LEFTY2: variants seen among roughly 807,000 people sequenced by gnomAD.
LEFTY2 encodes TGF-beta-4.
A neutral mutation model predicts 26.4 loss-of-function variants in LEFTY2; 10 were observed. That is an observed-to-expected ratio of 0.38 (90% CI 0.23 to 0.64). The LOEUF is 0.64. Among genes scored for constraint, LEFTY2 ranks in the 30% least tolerant of loss-of-function variants. The probability of loss-of-function intolerance (pLI) is 0.56; values close to 1 mark genes in which losing one functional copy is unlikely to be tolerated. For missense variants in LEFTY2, 407 were observed against 502.1 expected (o/e 0.81, Z 1.81); for synonymous variants, 204 against 234.1 (o/e 0.87, Z 1.17).
Position 225,941,125 on chromosome 1 carries a change from G to T in LEFTY2, c.16C>A (p.Leu6Ile). 6.4e-7 allele frequency: 1 copy of T among 1,566,504 alleles called. No individual in the cohort carries two copies. ...GGCAGCACCCAGAGTGCCCAGCAGA[G>T]CCACAGGGGCCACATGGTGCTGCCC... is the stretch of plus-strand genomic sequence containing the variant. MWPLWLCWALWVLPLA... is the reference protein window; with the variant it reads MWPLWICWALWVLPLA... The change falls in exon 1 of 4, where the codon CTC (leucine) becomes ATC (isoleucine). Residue 6 changes from leucine (L) to isoleucine (I), a missense_variant. Coordinates refer to ENST00000366820, the MANE Select transcript of LEFTY2 (RefSeq NM_003240.5).
intron 1 of LEFTY2, 138 bp downstream of exon 1, chr1:225,940,753 C>G: frequency 1.5e-6 from 2 of 1,356,736 alleles, no homozygotes; most frequent in Admixed American, 4.0e-5. Context: ...CTCCTCCTCA[C>G]TGCTCCTTGG....
chr1:225,937,271 T>C lies in LEFTY2; in HGVS notation c.*170A>G. ...TGCATTATTTACTCACGTAAGTGCT[T>C]AGGATGGGTGATGGACGGGAAAGAC... On this transcript the variant is annotated 3_prime_UTR_variant, in exon 4 of 4. Transcript: ENST00000366820. The C allele has an allele frequency of 2.0e-6, 2 of 1,022,356 alleles. No individual in the cohort carries two copies. Among genetic ancestry groups the C allele is most frequent in the South Asian group, 1.4e-5 (1 of 70,768 alleles). The allele number at this position is 1,022,356 out of a possible 1,614,324, so 63.3% of individuals were successfully genotyped here.
chr1:225,938,692 TTTTA>T (rs1175709444), intron 3 of LEFTY2, among the ~76,000 whole-genome samples: 6 of 151,886 alleles, frequency 4.0e-5, no homozygotes, highest in African/African-American at 1.4e-4. Context: ...AACTTTTTTT[TTTTA>T]TTTATTTTTT....
At position 225,937,264 on chromosome 1, in the gene LEFTY2, A is replaced by T; in HGVS notation, c.*177T>A. On this transcript the variant is annotated 3_prime_UTR_variant, in exon 4 of 4. Transcript: ENST00000366820. ...TCTGAGCTGCATTATTTACTCACGTAAGTGCTTAGGATGGGTGATGGACGG... is the reference window on the plus strand; with the variant it reads ...TCTGAGCTGCATTATTTACTCACGTTAGTGCTTAGGATGGGTGATGGACGG... 1.1e-6 allele frequency: 1 copy of T among 925,732 alleles called. No homozygotes were observed. The highest frequency in any genetic ancestry group is 1.7e-6 in the Non-Finnish European group (1 of 604,252). The allele number at this position is 925,732 out of a possible 1,614,324, so 57.3% of individuals were successfully genotyped here.
rs771262113 is a variant in LEFTY2 at position 225,936,748 on chromosome 1, C to T, written c.*693G>A. The T allele has an allele frequency of 6.6e-6, 1 of 152,638 alleles. No homozygotes were observed. The highest frequency in any genetic ancestry group is 1.5e-5 in the Non-Finnish European group (1 of 68,376). 9.5% of individuals were successfully genotyped at this position (152,638 alleles called of 1,614,324 possible). A position where few individuals can be genotyped will look rare whatever the true frequency, so the allele number is the denominator to read the frequency against. On this transcript the variant is annotated 3_prime_UTR_variant, in exon 4 of 4. Transcript: ENST00000366820. ...GACCTAAATATGCACGGGCAAGGCT[C>T]AGTCTCCAGAGGAGTGGGCAGGGGT... is the stretch of plus-strand genomic sequence containing the variant.
chr1:225,937,776 G>A lies in LEFTY2; in HGVS notation c.766C>T (p.Pro256Ser). The change falls in exon 4 of 4, where the codon CCA (proline) becomes TCA (serine). Residue 256 changes from proline to serine, a missense_variant. Coordinates refer to ENST00000366820, the MANE Select transcript of LEFTY2 (RefSeq NM_003240.5). Reference sequence around the variant, plus strand: ...CAGCAGCGGGTGCCCTCGGTCATTGGTGCTTCAGGGTCACAGTCGCCCTGA... The same window carrying A: ...CAGCAGCGGGTGCCCTCGGTCATTGATGCTTCAGGGTCACAGTCGCCCTGA... ...GAQGDCDPEA[P>S]MTEGTRCCRQ... The A allele has an allele frequency of 2.5e-6, 4 of 1,611,924 alleles. No homozygotes were observed. The highest frequency in any genetic ancestry group is 3.4e-6 in the Non-Finnish European group (4 of 1,178,818).
At position 225,940,922 on chromosome 1, in the gene LEFTY2, G is replaced by A. The variant is rs1672308201; in HGVS notation, c.219C>T (p.Ser73=). The change falls in exon 1 of 4, where the codon TCC becomes TCT. Residue 73 remains serine, a synonymous_variant. Coordinates refer to ENST00000366820, the MANE Select transcript of LEFTY2 (RefSeq NM_003240.5). ...AGCTCTGGCTGAACCTCTTTCCGCG[G>A]GAGCGGTCCCCGTGGCTGCGCCGCA... is the stretch of plus-strand genomic sequence containing the variant. ...VLLRRSHGDR[S]RGKRFSQSFR... 1.9e-6 allele frequency: 3 copies of A among 1,613,602 alleles called. No individual in the cohort carries two copies. Among genetic ancestry groups the A allele is most frequent in the Non-Finnish European group, 2.5e-6 (3 of 1,179,770 alleles).
chr1:225,937,999 GGT>G (rs1354108543), intron 3 of LEFTY2, among the ~76,000 whole-genome samples, 195 bp from the exon 4 acceptor site: 1 of 152,116 alleles, frequency 6.6e-6, no homozygotes, highest in Non-Finnish European at 1.5e-5. Flanking sequence ...ATTAATTAAA[GGT>G]CTCCTAATAG....
chr1:225,937,330 A>G lies in LEFTY2; in HGVS notation c.*111T>C. 10 of 1,559,468 alleles carry G rather than the reference A, an allele frequency of 6.4e-6. No individual in the cohort carries two copies. Among genetic ancestry groups the G allele is most frequent in the East Asian group, 4.5e-5 (2 of 44,676 alleles). On this transcript the variant is annotated 3_prime_UTR_variant, in exon 4 of 4. Transcript: ENST00000366820. ...GAAGGACACAGGGCGAAGGTCACAC[A>G]GGAGCACTAAATTGGGATGGAGTAA...
In LEFTY2 at chr1:225,940,870, AG is replaced by A. The variant is rs1303226921; in HGVS notation, c.250+20del. 1.9e-6 allele frequency: 3 copies of A among 1,613,230 alleles called. No individual in the cohort carries two copies. The highest frequency in any genetic ancestry group is 1.7e-6 in the Non-Finnish European group (2 of 1,179,708). Reference sequence around the variant, plus strand: ...TGCCCCCGACCATGGGACCGGGGCCAGCAGGGAGGGAGGGTCTCACCTCGGA... The same window carrying A: ...TGCCCCCGACCATGGGACCGGGGCCACAGGGAGGGAGGGTCTCACCTCGGA... On this transcript the variant is annotated intron_variant, in intron 1 of 3. Transcript: ENST00000366820.
rs901419145 is a variant in LEFTY2 at position 225,939,433 on chromosome 1, G to A, written c.665C>T (p.Ala222Val). 1.2e-6 allele frequency: 2 copies of A among 1,611,400 alleles called. No individual in the cohort carries two copies. Among genetic ancestry groups the A allele is most frequent in the Non-Finnish European group, 1.7e-6 (2 of 1,179,248 alleles). The change falls in exon 3 of 4, where the codon GCC becomes GTC. Residue 222 changes from alanine (A) to valine (V), a missense_variant. Coordinates refer to ENST00000366820, the MANE Select transcript of LEFTY2 (RefSeq NM_003240.5). This position sits in a 1 kb window ranked among gnomAD's most constrained non-coding sequence, Gnocchi z 4.1. The part of the protein sequence containing the change: ...ASGAHKLVRF[A>V]SQGAPAGLGE... The stretch of plus-strand genomic sequence containing the variant: ...AAGCCCGGCTGGCGCCCCCTGCGAG[G>A]CAAAGCGGACCAGCTTGTGGGCGCC...
At chr1:225,938,814 G>T (rs1380940417) in intron 3 of LEFTY2, among the ~76,000 whole-genome samples, 1 of 150,928 alleles carries the variant, frequency 6.6e-6, no homozygotes, top group Non-Finnish European at 1.5e-5. Flanking sequence ...ATGAGCCACT[G>T]CGCCTGGCCT....
Position 225,939,608 on chromosome 1 carries a change from A to G in LEFTY2, c.498-8T>C, listed in dbSNP as rs1209631833. Reference sequence around the variant, plus strand: ...TCGTGGACGGACACCAGCCTGAGACATGATACACACGACACGGAGACCCAG... The same window carrying G: ...TCGTGGACGGACACCAGCCTGAGACGTGATACACACGACACGGAGACCCAG... On this transcript the variant is annotated splice_polypyrimidine_tract_variant and splice_region_variant and intron_variant, in intron 2 of 3. Coordinates refer to ENST00000366820, the MANE Select transcript of LEFTY2 (RefSeq NM_003240.5). The surrounding 1 kb of genome is among the most constrained non-coding windows in gnomAD (Gnocchi z 4.1). The G allele has an allele frequency of 1.2e-6, 2 of 1,612,580 alleles. No homozygotes were observed. Among genetic ancestry groups the G allele is most frequent in the East Asian group, 2.2e-5 (1 of 44,866 alleles).
rs775509163 is a variant in LEFTY2 at position 225,940,911 on chromosome 1, C to T, written c.230G>A (p.Arg77Lys). Reference protein sequence around the residue: ...RSHGDRSRGKRFSQSFREVAG... With the variant: ...RSHGDRSRGKKFSQSFREVAG... The stretch of plus-strand genomic sequence containing the variant: ...CTCACCTCGGAAGCTCTGGCTGAAC[C>T]TCTTTCCGCGGGAGCGGTCCCCGTG... Residue 77 changes from arginine (R) to lysine (K), a missense_variant, in exon 1 of 4, where the codon AGG becomes AAG. Physicochemically the swap from Arg to Lys is conservative, Grantham distance 26. Transcript: ENST00000366820. The T allele has an allele frequency of 6.2e-7, 1 of 1,613,450 alleles. No individual in the cohort carries two copies. Among genetic ancestry groups the T allele is most frequent in the African/African-American group, 1.3e-5 (1 of 74,898 alleles).
Position 225,939,245 on chromosome 1 carries a change from G to C in LEFTY2, c.737+116C>G. ...CTGGCATCCTGGGACAGTCTGCACC[G>C]CGCTCTCCCTACCCCTAGCCCACCG... On this transcript the variant is annotated intron_variant, in intron 3 of 3. Coordinates refer to ENST00000366820, the MANE Select transcript of LEFTY2 (RefSeq NM_003240.5). The surrounding 1 kb of genome is among the most constrained non-coding windows in gnomAD (Gnocchi z 4.1). 1 of 1,495,970 alleles carries C rather than the reference G, an allele frequency of 6.7e-7. No individual in the cohort carries two copies. The highest frequency in any genetic ancestry group is 9.1e-7 in the Non-Finnish European group (1 of 1,099,440). The allele number at this position is 1,495,970 out of a possible 1,614,324, so 92.7% of individuals were successfully genotyped here. A position where few individuals can be genotyped will look rare whatever the true frequency, so the allele number is the denominator to read the frequency against.
chr1:225,938,386 T>C (rs141678077), intron 3 of LEFTY2, among the ~76,000 whole-genome samples: 1 of 152,384 alleles, frequency 6.6e-6, no homozygotes, highest in Non-Finnish European at 1.5e-5. Flanking sequence ...CAATCGTGTA[T>C]ATGGAGTCAA....
intron 1 of LEFTY2, 48 bp from the exon 2 acceptor site, chr1:225,940,050 G>T (rs375666065): frequency 1.9e-6 from 3 of 1,594,556 alleles, no homozygotes; most frequent in Non-Finnish European, 2.5e-6. Flanking sequence ...CTCCAGCGGA[G>T]CTCTGAGGAT....
chr1:225,940,799 A>G (rs1432977710), intron 1 of LEFTY2, 92 bp downstream of exon 1: 5 of 1,588,344 alleles, frequency 3.1e-6, no homozygotes, highest in East Asian at 2.2e-5. Flanking sequence ...CAGAGTCCCA[A>G]AAGGCCAGGG....
Position 225,937,044 on chromosome 1 carries a change from T to G in LEFTY2, c.*397A>C. The G allele has an allele frequency of 6.5e-6, 2 of 306,650 alleles. No homozygotes were observed. The highest frequency in any genetic ancestry group is 4.7e-5 in the Admixed American group (1 of 21,296). The allele number at this position is 306,650 out of a possible 1,614,324, so 19.0% of individuals were successfully genotyped here. Reference sequence around the variant, plus strand: ...AGAATGGGTCAGTATTTGGGGGAAATAGAGATTTGAAGGTTTTAATTCCTC... The same window carrying G: ...AGAATGGGTCAGTATTTGGGGGAAAGAGAGATTTGAAGGTTTTAATTCCTC... On this transcript the variant is annotated 3_prime_UTR_variant, in exon 4 of 4. Transcript: ENST00000366820.
Sources: allele counts gnomAD v4.1 joint callset (sites outside exome capture counted in the v4.1 genomes callset), GRCh38; gene constraint gnomAD v4.1.1; non-coding constraint Gnocchi (gnomAD v3.1); transcripts MANE v1.5; gene names NCBI Gene and HGNC (gene_info 2026-07-23, HGNC 2026-07-21).